Variants in LPP observed in about 807,000 individuals in gnomAD.
The protein encoded by LPP is lipoma-preferred partner.
In LPP, 38 loss-of-function variants were observed where a neutral mutation model predicts 60.4. The observed-to-expected ratio is 0.63, with a 90% CI of 0.49 to 0.83. The LOEUF is 0.83. LPP is among the 40% of genes least tolerant of loss of function. The pLI is 0.00. For missense variants in LPP, 902 were observed against 783.6 expected (o/e 1.15, Z -1.80); for synonymous variants, 328 against 290.8 (o/e 1.13, Z -1.30).
chr3:188,522,342 T>A (rs1819109298), intron 5 of LPP, among the ~76,000 whole-genome samples: 1 of 152,212 alleles, frequency 6.6e-6, no homozygotes. Context: ...AGTGTGAGCG[T>A]GTGTGTGCAC....
intron 7 of LPP, among the ~76,000 whole-genome samples, chr3:188,689,463 C>G (rs1861615201): frequency 6.6e-6 from 1 of 152,206 alleles, no homozygotes; most frequent in South Asian, 2.1e-4. Context: ...TGGAGTCCTT[C>G]TCACAGTGGC....
intron 2 of LPP, among the ~76,000 whole-genome samples, chr3:188,264,672 C>G (rs1313885538): frequency 6.6e-6 from 1 of 152,072 alleles, no homozygotes; most frequent in Non-Finnish European, 1.5e-5. Context: ...AGGGTGAGGG[C>G]CTGCCAAAGC....
chr3:188,410,568 C>T (rs551753117), intron 4 of LPP, among the ~76,000 whole-genome samples: 14 of 152,216 alleles, frequency 9.2e-5, no homozygotes, highest in Middle Eastern at 6.8e-3. Context: ...CTCTTTAGAT[C>T]TCAGGGTCCT....
At chr3:188,850,662 A>T (rs556101933) in intron 9 of LPP, among the ~76,000 whole-genome samples, 1 of 152,332 alleles carries the variant, frequency 6.6e-6, no homozygotes, top group East Asian at 1.9e-4. Flanking sequence ...TAGAGAAGAT[A>T]GTCTGACCGC....
intron 1 of LPP, among the ~76,000 whole-genome samples, chr3:188,203,478 T>TATATAA (rs1408182232): frequency 3.3e-5 from 3 of 91,078 alleles, no homozygotes; most frequent in African/African-American, 1.3e-4. Context: ...TTTTTAAATA[T>TATATAA]ATATATATTT....
chr3:188,793,168 C>T (rs1744298996), intron 9 of LPP, among the ~76,000 whole-genome samples: 1 of 144,264 alleles, frequency 6.9e-6, no homozygotes, highest in African/African-American at 2.6e-5. Flanking sequence ...AGTCAAGCCT[C>T]CCTTTCTCAT....
At chr3:188,583,628 G>A (rs1836770628) in intron 6 of LPP, among the ~76,000 whole-genome samples, 1 of 152,130 alleles carries the variant, frequency 6.6e-6, no homozygotes, top group Non-Finnish European at 1.5e-5. Flanking sequence ...TGAGGACGAT[G>A]ACCATTGACC....
chr3:188,577,745 GTTCCTTCGTTCCTTCGTTCC>G (rs1412812697), intron 6 of LPP, among the ~76,000 whole-genome samples: 4 of 68,394 alleles, frequency 5.8e-5, no homozygotes, highest in Non-Finnish European at 1.3e-4. Context: ...TCCTTCCTTT[GTTCCTTCGTTCCTTCGTTCC>G]TTCCTTCCTT....
In LPP at chr3:188,760,233, A is replaced by C; in HGVS notation, c.1361A>C (p.Gln454Pro). The C allele has an allele frequency of 6.2e-7, 1 of 1,614,174 alleles. No homozygotes were observed. The change falls in exon 9 of 12, where the codon CAG becomes CCG. Residue 454 changes from glutamine to proline, a missense_variant. Transcript: ENST00000617246. ...ATCTGCAACAACAAGCTCCGAGGGC[A>C]GCCATTCTATGCTGTGGAAAAGAAA... Reference protein sequence around the residue: ...CIICNNKLRGQPFYAVEKKAY... With the variant: ...CIICNNKLRGPPFYAVEKKAY...
chr3:188,178,206 G>A (rs1307558712), intron 1 of LPP, among the ~76,000 whole-genome samples: 1 of 152,166 alleles, frequency 6.6e-6, no homozygotes, highest in Non-Finnish European at 1.5e-5. Flanking sequence ...CAGATGGGGA[G>A]AGTGAGGCAG....
At chr3:188,661,716 C>G (rs1378933720) in intron 7 of LPP, among the ~76,000 whole-genome samples, 1 of 152,198 alleles carries the variant, frequency 6.6e-6, no homozygotes, top group Admixed American at 6.5e-5. Context: ...CAAATACTTT[C>G]TCCCACTCTG....
At chr3:188,370,075 C>T (rs1341041714) in intron 3 of LPP, among the ~76,000 whole-genome samples, 1 of 152,080 alleles carries the variant, frequency 6.6e-6, no homozygotes, top group Non-Finnish European at 1.5e-5. Flanking sequence ...TTACAGGTGC[C>T]TACCACCACA....
chr3:188,250,414 G>A (rs1728713450), intron 2 of LPP, among the ~76,000 whole-genome samples: 1 of 152,174 alleles, frequency 6.6e-6, no homozygotes, highest in Admixed American at 6.5e-5. Flanking sequence ...CTCCGTCATT[G>A]GGGATGTTAA....
chr3:188,719,506 G>A (rs1715471294), intron 8 of LPP, among the ~76,000 whole-genome samples: 1 of 152,170 alleles, frequency 6.6e-6, no homozygotes, highest in South Asian at 2.1e-4. Context: ...GAAGAGAAAA[G>A]TAGAAGAGAG....
intron 4 of LPP, among the ~76,000 whole-genome samples, chr3:188,416,767 G>T (rs1376345745): frequency 6.6e-6 from 1 of 152,112 alleles, no homozygotes; most frequent in African/African-American, 2.4e-5. Flanking sequence ...CAAAAAAATG[G>T]ATTCTTCGAG....
At chr3:188,696,736 C>A (rs1007264483) in intron 7 of LPP, among the ~76,000 whole-genome samples, 1 of 152,228 alleles carries the variant, frequency 6.6e-6, no homozygotes, top group South Asian at 2.1e-4. Context: ...GACCCTAGAA[C>A]CTATATATCT....
At chr3:188,203,583 ATATATATT>A (rs1732221700) in intron 1 of LPP, among the ~76,000 whole-genome samples, 1 of 108,494 alleles carries the variant, frequency 9.2e-6, no homozygotes, top group Non-Finnish European at 1.7e-5. Context: ...ATTTAAATAT[ATATATATT>A]TAAATATATA....
At chr3:188,160,490 A>AT (rs1452047291) in intron 1 of LPP, among the ~76,000 whole-genome samples, 1 of 152,230 alleles carries the variant, frequency 6.6e-6, no homozygotes, top group East Asian at 1.9e-4. Context: ...CACTGTGCCC[A>AT]GCCCTCTGTT....
intron 1 of LPP, among the ~76,000 whole-genome samples, chr3:188,170,515 T>G (rs1312280404): frequency 6.6e-6 from 1 of 151,802 alleles, no homozygotes; most frequent in Admixed American, 6.6e-5. Flanking sequence ...GTATTTTTAG[T>G]AGAGATGGGG....
Sources: allele counts gnomAD v4.1 joint callset (sites outside exome capture counted in the v4.1 genomes callset), GRCh38; gene constraint gnomAD v4.1.1; transcripts MANE v1.5; gene names NCBI Gene and HGNC (gene_info 2026-07-23, HGNC 2026-07-21).